Variants in TMEFF2 observed in about 807,000 individuals in gnomAD.
TMEFF2 encodes transmembrane protein with EGF like and two follistatin like domains 2.
In TMEFF2, 28 loss-of-function variants were observed where a neutral mutation model predicts 53.8. The ratio of observed to expected loss-of-function variants is 0.52; its 90% CI spans 0.39 to 0.71. TMEFF2 has a LOEUF of 0.71. TMEFF2 is among the 30% of genes least tolerant of loss of function. The probability of loss-of-function intolerance (pLI) is 0.00; values close to 1 mark genes in which losing one functional copy is unlikely to be tolerated. For missense variants in TMEFF2, 353 were observed against 455.2 expected, an observed-to-expected ratio of 0.78 and a Z score of 2.04; for synonymous variants, 162 against 166.3, an observed-to-expected ratio of 0.97 and a Z score of 0.20.
chr2:192,092,800 A>G (rs1475930587), intron 4 of TMEFF2, among the ~76,000 whole-genome samples: 1 of 152,122 alleles, frequency 6.6e-6, no homozygotes, highest in Non-Finnish European at 1.5e-5. Flanking sequence ...ATGAAGGGCT[A>G]TGAACCAAGG....
chr2:192,174,818 A>T (rs542101500), intron 4 of TMEFF2, among the ~76,000 whole-genome samples: 1 of 151,782 alleles, frequency 6.6e-6, no homozygotes, highest in African/African-American at 2.4e-5. Flanking sequence ...GGGGAACAAA[A>T]CATACAACCA....
chr2:192,086,114 G>T (rs980814436), intron 4 of TMEFF2, among the ~76,000 whole-genome samples: 8 of 152,106 alleles, frequency 5.3e-5, no homozygotes, highest in Non-Finnish European at 7.4e-5. Context: ...GGCCATTAAT[G>T]ATATTAGGGA....
intron 5 of TMEFF2, chr2:192,022,053 G>A (rs1686870979): frequency 6.6e-6 from 1 of 152,184 alleles, no homozygotes; most frequent in South Asian, 2.1e-4. Context: ...TAAGAGAATT[G>A]TCTGGAAGTG....
intron 7 of TMEFF2, among the ~76,000 whole-genome samples, chr2:191,981,679 A>G (rs368611703): frequency 2.6e-5 from 4 of 152,216 alleles, no homozygotes; most frequent in African/African-American, 9.6e-5. Context: ...TTTGAGTAAC[A>G]TGGGTTTCTG....
chr2:192,007,711 T>G (rs1376247292), intron 5 of TMEFF2, among the ~76,000 whole-genome samples: 5 of 152,076 alleles, frequency 3.3e-5, no homozygotes, highest in African/African-American at 1.2e-4. Context: ...AAGGTCAACA[T>G]GATGAAAGCG....
At chr2:192,045,798 T>C (rs971212748) in intron 5 of TMEFF2, among the ~76,000 whole-genome samples, 10 of 152,194 alleles carry the variant, frequency 6.6e-5, no homozygotes, top group Non-Finnish European at 1.3e-4. Context: ...GTTGATTATA[T>C]TGGACTGCTT....
intron 4 of TMEFF2, among the ~76,000 whole-genome samples, chr2:192,164,297 T>C (rs1281477208): frequency 6.6e-6 from 1 of 152,190 alleles, no homozygotes; most frequent in East Asian, 1.9e-4. Context: ...CATTGGCCTG[T>C]GCTCTTCCCT....
chr2:192,037,485 C>T (rs1003186878), intron 5 of TMEFF2, among the ~76,000 whole-genome samples: 1 of 151,570 alleles, frequency 6.6e-6, no homozygotes, highest in Non-Finnish European at 1.5e-5. Context: ...GGCAGGTCCA[C>T]GATATGGAAA....
intron 7 of TMEFF2, among the ~76,000 whole-genome samples, chr2:191,994,417 A>C (rs964683997): frequency 6.6e-6 from 1 of 151,512 alleles, no homozygotes; most frequent in East Asian, 1.9e-4. Context: ...GTACATTTTT[A>C]CTGGAAAAAA....
chr2:192,089,765 C>T (rs1378276685), intron 4 of TMEFF2, among the ~76,000 whole-genome samples: 1 of 152,166 alleles, frequency 6.6e-6, no homozygotes, highest in Non-Finnish European at 1.5e-5. Flanking sequence ...GTTTTCTCAT[C>T]TGTAAAATGG....
intron 4 of TMEFF2, among the ~76,000 whole-genome samples, chr2:192,154,028 C>G (rs566254549): frequency 5.9e-5 from 9 of 152,006 alleles, no homozygotes; most frequent in African/African-American, 2.2e-4. Context: ...AAATGCAATG[C>G]TAATTCCATT....
chr2:192,140,558 G>T (rs1247237150), intron 4 of TMEFF2, among the ~76,000 whole-genome samples: 1 of 152,152 alleles, frequency 6.6e-6, no homozygotes, highest in African/African-American at 2.4e-5. Flanking sequence ...CATTTAAAAA[G>T]AGGATGACCA....
rs145276277 is a variant in TMEFF2 at position 192,155,366 on chromosome 2, G to A, written c.439+24302C>T. Among the ~76,000 whole-genome samples the A allele has an allele frequency of 1.2e-3, 177 of 151,926 alleles. 1 individual carries two copies. The highest frequency in any genetic ancestry group is 4.1e-3 in the African/African-American group (170 of 41,484). On this transcript the variant is annotated intron_variant, in intron 4 of 9. Transcript: ENST00000272771. The stretch of plus-strand genomic sequence containing the variant: ...TGGGAAAGAGTAAAGAGAAGAAAGC[G>A]TGGGTTTTTAAGTAAAATAAGATAC...
At chr2:191,985,889 G>T (rs1042442878) in intron 7 of TMEFF2, among the ~76,000 whole-genome samples, 1 of 152,132 alleles carries the variant, frequency 6.6e-6, no homozygotes, top group Non-Finnish European at 1.5e-5. Flanking sequence ...TCCAAGGAGG[G>T]TCTGTTACTT....
rs1692399021 is a variant in TMEFF2 at position 191,964,390 on chromosome 2, CTTTCTTTCTCTTTCTTTCTTTCTTTCTT to C, written c.746-8040_746-8013del. On this transcript the variant is annotated intron_variant, in intron 7 of 9. Transcript: ENST00000272771. ...TTTCTTTCTCTTTCTTTCTTTCTTT[CTTTCTTTCTCTTTCTTTCTTTCTTTCTT>C]TCTTTCTTTCTTTCTTTCTGCCTTT... Among the ~76,000 whole-genome samples, 27 of 32,900 alleles carry C rather than the reference CTTTCTTTCTCTTTCTTTCTTTCTTTCTT, an allele frequency of 8.2e-4. No homozygotes were observed. In the East Asian group the frequency reaches 0.033, roughly 41 times the overall value. 21.6% of individuals were successfully genotyped at this position (32,900 alleles called of 152,430 possible).
chr2:191,950,469 A>G, intron 9 of TMEFF2, 62 bp from the exon 10 acceptor site: 3 of 1,608,550 alleles, frequency 1.9e-6, no homozygotes, highest in Non-Finnish European at 1.7e-6. Flanking sequence ...TTGGCCCTAC[A>G]ATCACAGAAT....
intron 4 of TMEFF2, among the ~76,000 whole-genome samples, chr2:192,115,986 A>G (rs1400529913): frequency 1.3e-5 from 2 of 152,130 alleles, no homozygotes; most frequent in East Asian, 3.9e-4. Context: ...TCTTCTGGGT[A>G]TATACCAGAG....
At chr2:192,041,816 C>T (rs1195431245) in intron 5 of TMEFF2, among the ~76,000 whole-genome samples, 2 of 152,142 alleles carry the variant, frequency 1.3e-5, no homozygotes, top group African/African-American at 4.8e-5. Flanking sequence ...GATGGGGGAT[C>T]AGCGGGTCAG....
chr2:191,969,245 A>G (rs1472949326), intron 7 of TMEFF2, among the ~76,000 whole-genome samples: 1 of 152,116 alleles, frequency 6.6e-6, no homozygotes, highest in East Asian at 1.9e-4. Context: ...AATGAATATT[A>G]TAGGCATAGG....
Sources: gnomAD v4.1 joint callset for allele counts (sites outside exome capture counted in the v4.1 genomes callset) on GRCh38, gnomAD v4.1.1 for gene constraint, MANE v1.5 for transcripts, NCBI Gene and HGNC (gene_info 2026-07-23, HGNC 2026-07-21) for gene names.